Variants in SLC24A2 observed in about 807,000 individuals in gnomAD.
SLC24A2 encodes the protein sodium/potassium/calcium exchanger 2.
A neutral mutation model predicts 62.0 loss-of-function variants in SLC24A2; 36 were observed. That is an observed-to-expected ratio of 0.58 (90% CI 0.44 to 0.77). The LOEUF (loss-of-function observed/expected upper bound fraction) is 0.77. Among genes scored for constraint, SLC24A2 ranks in the 30% least tolerant of loss-of-function variants. The pLI, the probability that SLC24A2 is intolerant of heterozygous loss-of-function variation, is 0.00. For missense variants in SLC24A2, 846 were observed against 817.9 expected, an observed-to-expected ratio of 1.03 and a Z score of -0.42; for synonymous variants, 358 against 294.0, an observed-to-expected ratio of 1.22 and a Z score of -2.23.
intron 4 of SLC24A2, among the ~76,000 whole-genome samples, chr9:19,617,391 C>A (rs928034551): frequency 2.6e-5 from 4 of 152,134 alleles, no homozygotes; most frequent in African/African-American, 9.7e-5. Flanking sequence ...TGCCATCTAA[C>A]ATGTTTGAAT....
chr9:20,134,511 A>T, the SLC24A2 span, among the ~76,000 whole-genome samples: 1 of 152,178 alleles, frequency 6.6e-6, no homozygotes, highest in Non-Finnish European at 1.5e-5. Flanking sequence ...AAGGAAACCG[A>T]AAGAGCCTTC....
At chr9:19,544,872 T>A (rs1834470224) in intron 8 of SLC24A2, among the ~76,000 whole-genome samples, 1 of 152,188 alleles carries the variant, frequency 6.6e-6, no homozygotes, top group Non-Finnish European at 1.5e-5. Context: ...TTTCCTTCAT[T>A]TCAACTTTGG....
the SLC24A2 span, among the ~76,000 whole-genome samples, chr9:19,886,743 G>A: frequency 6.6e-5 from 10 of 152,222 alleles, no homozygotes; most frequent in East Asian, 1.7e-3. Context: ...TTATAAAGAT[G>A]CATGCACATG....
the SLC24A2 span, among the ~76,000 whole-genome samples, chr9:20,244,257 A>C: frequency 1.3e-5 from 2 of 152,238 alleles, no homozygotes; most frequent in East Asian, 3.8e-4. Flanking sequence ...TGGGCCAGAC[A>C]CTAAAATGAG....
At chr9:20,120,790 C>T in the SLC24A2 span, among the ~76,000 whole-genome samples, 1 of 151,992 alleles carries the variant, frequency 6.6e-6, no homozygotes, top group Non-Finnish European at 1.5e-5. Context: ...CTTATGATCA[C>T]TTTCAGATTT....
the SLC24A2 span, among the ~76,000 whole-genome samples, chr9:19,850,465 TA>T: frequency 6.6e-6 from 1 of 152,164 alleles, no homozygotes; most frequent in Non-Finnish European, 1.5e-5. Context: ...TTTATAGCTT[TA>T]TTGAGGTATA....
chr9:19,928,157 G>C, the SLC24A2 span: 1 of 152,348 alleles, frequency 6.6e-6, no homozygotes, highest in Non-Finnish European at 1.5e-5. Context: ...GCCTGGCCAG[G>C]TTTTCCTCTC....
the SLC24A2 span, among the ~76,000 whole-genome samples, chr9:20,164,818 G>C: frequency 2.0e-5 from 3 of 151,680 alleles, 1 homozygote; most frequent in African/African-American, 7.3e-5. Flanking sequence ...AAAATGATGA[G>C]TTCATGTCCT....
the SLC24A2 span, chr9:19,927,203 G>GTT: frequency 6.6e-6 from 1 of 152,286 alleles, no homozygotes; most frequent in Non-Finnish European, 1.5e-5. Flanking sequence ...AGCCGGCATC[G>GTT]TAAGTCCCCA....
chr9:19,545,289 G>T (rs957576251), intron 8 of SLC24A2, among the ~76,000 whole-genome samples: 1 of 151,904 alleles, frequency 6.6e-6, no homozygotes, highest in East Asian at 1.9e-4. Context: ...GGTCATTTAT[G>T]TTCTTCTCGA....
At chr9:20,052,469 G>C in the SLC24A2 span, among the ~76,000 whole-genome samples, 1 of 152,166 alleles carries the variant, frequency 6.6e-6, no homozygotes, top group Non-Finnish European at 1.5e-5. Flanking sequence ...TTGTAAAACT[G>C]TATTCTTTGA....
intron 2 of SLC24A2, among the ~76,000 whole-genome samples, chr9:19,651,288 T>C (rs980605053): frequency 1.3e-5 from 2 of 152,232 alleles, no homozygotes; most frequent in African/African-American, 4.8e-5. Flanking sequence ...GCATGTTACA[T>C]ATATTGCCTA....
chr9:19,967,977 G>C, the SLC24A2 span: 4 of 152,176 alleles, frequency 2.6e-5, no homozygotes, highest in Admixed American at 6.5e-5. Context: ...CAGGGGCAGT[G>C]TCAGAGTTCA....
chr9:19,986,281 T>G, the SLC24A2 span, among the ~76,000 whole-genome samples: 9 of 152,046 alleles, frequency 5.9e-5, no homozygotes, highest in African/African-American at 1.9e-4. Flanking sequence ...TAAGTATAAG[T>G]GAAAATGTGG....
chr9:19,811,477 C>T, the SLC24A2 span, among the ~76,000 whole-genome samples: 124,462 of 152,130 alleles, frequency 0.82, 52,124 homozygotes, highest in Non-Finnish European at 0.92. Context: ...TGCTATTTGA[C>T]TTACCTATTT....
At chr9:19,884,786 T>C in the SLC24A2 span, among the ~76,000 whole-genome samples, 3 of 152,296 alleles carry the variant, frequency 2.0e-5, no homozygotes, top group South Asian at 6.2e-4. Context: ...TAAAATAGGC[T>C]TTGTGTTAGA....
the SLC24A2 span, among the ~76,000 whole-genome samples, chr9:20,109,953 G>A: frequency 6.6e-6 from 1 of 152,100 alleles, no homozygotes; most frequent in Admixed American, 6.5e-5. Context: ...ATTTCCTCAT[G>A]TTTATGCAGT....
the SLC24A2 span, among the ~76,000 whole-genome samples, chr9:20,255,558 A>G: frequency 6.6e-5 from 10 of 152,232 alleles, no homozygotes; most frequent in East Asian, 1.7e-3. Flanking sequence ...ATTCACTCAC[A>G]TTGTCTGAGA....
chr9:19,746,832 C>T (rs72687726), intron 2 of SLC24A2, among the ~76,000 whole-genome samples: 1,674 of 152,204 alleles, frequency 0.011, 18 homozygotes, highest in Middle Eastern at 0.027. Context: ...AGAACCTTTG[C>T]AAAAGTGTTT....
Sources: gnomAD v4.1 joint callset for allele counts (sites outside exome capture counted in the v4.1 genomes callset) on GRCh38, gnomAD v4.1.1 for gene constraint, MANE v1.5 for transcripts, NCBI Gene and HGNC (gene_info 2026-07-23, HGNC 2026-07-21) for gene names.